The following WDR33 variants were observed in gnomAD, a reference collection of about 807,000 sequenced individuals.
WDR33 encodes pre-mRNA 3' end processing protein WDR33.
In WDR33, 47 loss-of-function variants were observed where a neutral mutation model predicts 164.9. The observed-to-expected ratio is 0.29, with a 90% confidence interval of 0.23 to 0.36. WDR33 has a LOEUF of 0.36. Among genes scored for constraint, WDR33 ranks in the 10% least tolerant of loss-of-function variants. WDR33 has a pLI of 1.00. For synonymous variants in WDR33, 505 were observed against 589.0 expected (o/e 0.86, Z 2.06); for missense variants, 1,137 against 1,754.1 (o/e 0.65, Z 6.28).
At chr2:127,759,613 C>T (rs1034494587) in intron 7 of WDR33, among the ~76,000 whole-genome samples, 1 of 152,166 alleles carries the variant, frequency 6.6e-6, no homozygotes. Flanking sequence ...CTCACTTGAA[C>T]CCGAGAGGCG....
intron 1 of WDR33, among the ~76,000 whole-genome samples, chr2:127,809,972 G>A (rs147226755): frequency 6.6e-6 from 1 of 152,126 alleles, no homozygotes; most frequent in Admixed American, 6.6e-5. Context: ...TGCCACAAGA[G>A]GTACAACTAG....
At chr2:127,747,836 C>T (rs1199760625) in intron 7 of WDR33, among the ~76,000 whole-genome samples, 1 of 152,100 alleles carries the variant, frequency 6.6e-6, no homozygotes, top group Non-Finnish European at 1.5e-5. Flanking sequence ...AAGCAGCAGC[C>T]CCTGACCTCT....
At chr2:127,736,222 A>G in intron 7 of WDR33, 1 of 985,460 alleles carries the variant, frequency 1.0e-6, no homozygotes, top group Non-Finnish European at 1.2e-6. Flanking sequence ...GTGAAACACT[A>G]GCTTACTACA....
intron 1 of WDR33, among the ~76,000 whole-genome samples, chr2:127,806,419 G>T (rs1481976886): frequency 6.6e-6 from 1 of 151,856 alleles, no homozygotes; most frequent in Non-Finnish European, 1.5e-5. Flanking sequence ...TGTTGGCCAG[G>T]CTGGTCTCAA....
At chr2:127,766,832 CA>C (rs1279603112) in intron 4 of WDR33, among the ~76,000 whole-genome samples, 6 of 151,748 alleles carry the variant, frequency 4.0e-5, no homozygotes, top group African/African-American at 1.5e-4. Context: ...TGCAGTGGCA[CA>C]ATCTAGGCTC....
chr2:127,764,315 T>C lies in WDR33; in HGVS notation c.626+513A>G, dbSNP rs1194216763. On this transcript the variant is annotated intron_variant, in intron 6 of 21. Coordinates refer to ENST00000322313, the MANE Select transcript of WDR33 (RefSeq NM_018383.5). This position sits in a 1 kb window ranked among gnomAD's most constrained non-coding sequence, Gnocchi z 6.2. The stretch of plus-strand genomic sequence containing the variant: ...AACCCATTCATTACTCCGTTAATGT[T>C]TGCCACATCCAGTTATCTGTGAGGG... 5.2e-6 allele frequency: 7 copies of C among 1,342,688 alleles called. No individual in the cohort carries two copies. The East Asian group carries it at 1.4e-4, about 28-fold the overall frequency. The allele number at this position is 1,342,688 out of a possible 1,614,324, so 83.2% of individuals were successfully genotyped here. A position where few individuals can be genotyped will look rare whatever the true frequency, so the allele number is the denominator to read the frequency against.
chr2:127,801,239 T>C (rs1335163223), intron 1 of WDR33, among the ~76,000 whole-genome samples: 2 of 152,134 alleles, frequency 1.3e-5, no homozygotes, highest in Non-Finnish European at 1.5e-5. Context: ...GCTATGATTA[T>C]ACCACTGTAC....
In WDR33 at chr2:127,701,976, A is replaced by G. The variant is rs764947572; in HGVS notation, c.*4347T>C. 1.4e-5 allele frequency: 19 copies of G among 1,367,142 alleles called. 1 individual carries two copies. The highest frequency in any genetic ancestry group is 2.7e-4 in the Middle Eastern group (1 of 3,736). The allele number at this position is 1,367,142 out of a possible 1,614,324, so 84.7% of individuals were successfully genotyped here. A position where few individuals can be genotyped will look rare whatever the true frequency, so the allele number is the denominator to read the frequency against. On this transcript the variant is annotated 3_prime_UTR_variant, in exon 22 of 22. Transcript: ENST00000322313. ...GCCGTCCCGGCCCGCGCTGCTCTACATGGCAGCGCTGGGCGCCACGCTGTT... is the reference window on the plus strand; with the variant it reads ...GCCGTCCCGGCCCGCGCTGCTCTACGTGGCAGCGCTGGGCGCCACGCTGTT...
intron 7 of WDR33, among the ~76,000 whole-genome samples, chr2:127,753,715 AT>A: frequency 6.6e-6 from 1 of 152,198 alleles, no homozygotes. Context: ...ATAAAACAGC[AT>A]TTTTAAAAGA....
At chr2:127,805,448 T>C (rs1399695634) in intron 1 of WDR33, among the ~76,000 whole-genome samples, 3 of 152,062 alleles carry the variant, frequency 2.0e-5, no homozygotes, top group Non-Finnish European at 2.9e-5. Context: ...ATCTAACTTC[T>C]AGTTTACAGG....
At chr2:127,809,018 G>A (rs1199786470) in intron 1 of WDR33, among the ~76,000 whole-genome samples, 1 of 121,256 alleles carries the variant, frequency 8.2e-6, no homozygotes, top group Admixed American at 1.0e-4. Flanking sequence ...GCGACAGAGC[G>A]AAACTCTTGT....
intron 7 of WDR33, among the ~76,000 whole-genome samples, chr2:127,728,972 A>G (rs1200546145): frequency 6.6e-6 from 1 of 152,218 alleles, no homozygotes; most frequent in Non-Finnish European, 1.5e-5. Flanking sequence ...GGAACCACAA[A>G]ATAAACTTCA....
intron 7 of WDR33, among the ~76,000 whole-genome samples, chr2:127,748,095 C>T (rs1317641986): frequency 1.3e-5 from 2 of 152,196 alleles, no homozygotes; most frequent in African/African-American, 4.8e-5. Context: ...CCTCAATCTA[C>T]TTGACCCCCT....
chr2:127,768,166 A>G, intron 4 of WDR33, 23 bp downstream of exon 4: 1 of 1,436,602 alleles, frequency 7.0e-7, no homozygotes, highest in South Asian at 1.5e-5. Context: ...ATTTTCCCCC[A>G]AAATATCCAA....
intron 7 of WDR33, chr2:127,762,839 T>A: frequency 7.4e-7 from 1 of 1,352,372 alleles, no homozygotes; most frequent in Non-Finnish European, 9.5e-7. Flanking sequence ...CACTCTTGTA[T>A]TTAATTTACA....
chr2:127,748,227 A>T (rs557601982), intron 7 of WDR33, among the ~76,000 whole-genome samples: 2 of 152,250 alleles, frequency 1.3e-5, no homozygotes, highest in African/African-American at 4.8e-5. Context: ...CAAATCCTAT[A>T]ATACATTATA....
At chr2:127,761,492 G>A (rs1434848519) in intron 7 of WDR33, among the ~76,000 whole-genome samples, 1 of 152,184 alleles carries the variant, frequency 6.6e-6, no homozygotes, top group Non-Finnish European at 1.5e-5. Context: ...GAGCCACCGC[G>A]CCCAGCTACT....
At chr2:127,737,168 G>A (rs1020414248) in intron 7 of WDR33, 4 of 985,238 alleles carry the variant, frequency 4.1e-6, no homozygotes, top group African/African-American at 3.5e-5. Context: ...CATCAAAGAT[G>A]CTTAAAGGAA....
intron 1 of WDR33, among the ~76,000 whole-genome samples, chr2:127,805,271 A>G (rs1322856593): frequency 2.0e-5 from 3 of 151,332 alleles, no homozygotes; most frequent in African/African-American, 7.3e-5. Flanking sequence ...AAATAGAGAC[A>G]GGGTTTTGCC....
Sources: gnomAD v4.1 joint callset for allele counts (sites outside exome capture counted in the v4.1 genomes callset) on GRCh38, gnomAD v4.1.1 for gene constraint, Gnocchi (gnomAD v3.1) non-coding constraint, MANE v1.5 for transcripts, NCBI Gene and HGNC (gene_info 2026-07-23, HGNC 2026-07-21) for gene names.